Variants in ZNF385D observed in about 807,000 individuals in gnomAD.
ZNF385D encodes the protein zinc finger protein 659.
In ZNF385D, 15 loss-of-function variants were observed where a neutral mutation model predicts 35.8. The observed-to-expected ratio is 0.42, with a 90% confidence interval of 0.28 to 0.64. The LOEUF (loss-of-function observed/expected upper bound fraction) is 0.64, where lower values mean the gene tolerates loss of function less well. Among genes scored for constraint, ZNF385D ranks in the 30% least tolerant of loss-of-function variants. The pLI is 0.23. For missense variants in ZNF385D, 474 were observed against 494.6 expected (o/e 0.96, Z 0.39); for synonymous variants, 212 against 186.8 (o/e 1.13, Z -1.10).
intron 2 of ZNF385D, among the ~76,000 whole-genome samples, chr3:22,214,291 T>C (rs1553630796): frequency 1.3e-5 from 2 of 151,996 alleles, no homozygotes; most frequent in Non-Finnish European, 2.9e-5. Context: ...TCTTTTAGTC[T>C]TATTATCTGT....
At chr3:22,365,473 T>A (rs560296611) in intron 2 of ZNF385D, among the ~76,000 whole-genome samples, 129 of 152,246 alleles carry the variant, frequency 8.5e-4, no homozygotes, top group African/African-American at 3.0e-3. Context: ...GTCGACGAGA[T>A]GTTTATCTTT....
At chr3:22,025,112 A>G (rs749430589) in intron 3 of ZNF385D, among the ~76,000 whole-genome samples, 8 of 152,170 alleles carry the variant, frequency 5.3e-5, no homozygotes, top group Non-Finnish European at 1.2e-4. Context: ...AGCTGGGGAC[A>G]CTGAGTTTGT....
intron 3 of ZNF385D, among the ~76,000 whole-genome samples, chr3:22,122,555 G>C (rs1054604598): frequency 6.6e-6 from 1 of 152,104 alleles, no homozygotes; most frequent in African/African-American, 2.4e-5. Flanking sequence ...ATAAAGAAAA[G>C]TGACAAAGCT....
At chr3:21,861,559 A>G (rs189837660) in intron 3 of ZNF385D, among the ~76,000 whole-genome samples, 102 of 152,252 alleles carry the variant, frequency 6.7e-4, no homozygotes, top group African/African-American at 2.3e-3. Flanking sequence ...GTTGAACACT[A>G]AAATCACTGA....
intron 3 of ZNF385D, among the ~76,000 whole-genome samples, chr3:21,933,978 A>T (rs1385413489): frequency 6.6e-6 from 1 of 150,454 alleles, no homozygotes; most frequent in East Asian, 2.0e-4. Context: ...ATTAGTCACT[A>T]TTATTTACAT....
chr3:21,894,958 C>T (rs1231193421), intron 3 of ZNF385D, among the ~76,000 whole-genome samples: 1 of 151,962 alleles, frequency 6.6e-6, no homozygotes, highest in Non-Finnish European at 1.5e-5. Flanking sequence ...AATCACCACC[C>T]AGCAAAACAC....
At chr3:21,887,718 C>T (rs1698620887) in intron 3 of ZNF385D, among the ~76,000 whole-genome samples, 1 of 151,978 alleles carries the variant, frequency 6.6e-6, no homozygotes, top group Non-Finnish European at 1.5e-5. Context: ...TAAAATCAGA[C>T]AACAAAGTGT....
intron 1 of ZNF385D, among the ~76,000 whole-genome samples, chr3:21,710,268 C>G (rs2068052050): frequency 6.6e-6 from 1 of 152,110 alleles, no homozygotes. Flanking sequence ...GACTAAAGAT[C>G]AAAAGGAGTA....
At chr3:21,514,654 C>G (rs566031443) in intron 3 of ZNF385D, among the ~76,000 whole-genome samples, 1 of 151,804 alleles carries the variant, frequency 6.6e-6, no homozygotes, top group African/African-American at 2.4e-5. Flanking sequence ...ACCAATCAGG[C>G]TATCTCTGTA....
intron 3 of ZNF385D, among the ~76,000 whole-genome samples, chr3:22,115,813 G>C (rs1387859571): frequency 6.6e-6 from 1 of 152,038 alleles, no homozygotes; most frequent in African/African-American, 2.4e-5. Flanking sequence ...AGGAAAAACC[G>C]CTAGCAGGAA....
chr3:22,355,207 TATC>T (rs1696095233), intron 2 of ZNF385D, among the ~76,000 whole-genome samples: 2 of 152,036 alleles, frequency 1.3e-5, no homozygotes, highest in South Asian at 4.1e-4. Flanking sequence ...ACTATAAACT[TATC>T]ATCAAATCTT....
At chr3:22,013,436 T>C (rs1453333979) in intron 3 of ZNF385D, among the ~76,000 whole-genome samples, 3 of 152,320 alleles carry the variant, frequency 2.0e-5, no homozygotes, top group South Asian at 2.1e-4. Context: ...TTTTTATTAA[T>C]GCTTTTATGT....
At chr3:21,823,905 C>T (rs1694434819) in intron 3 of ZNF385D, among the ~76,000 whole-genome samples, 1 of 152,124 alleles carries the variant, frequency 6.6e-6, no homozygotes, top group South Asian at 2.1e-4. Flanking sequence ...ATGAATTGCA[C>T]AGAGCTGTAC....
At chr3:22,261,478 G>A (rs1201254247) in intron 2 of ZNF385D, among the ~76,000 whole-genome samples, 1 of 151,924 alleles carries the variant, frequency 6.6e-6, no homozygotes, top group African/African-American at 2.4e-5. Context: ...AGATGTTCTA[G>A]GAGCTAGTAT....
At chr3:22,191,587 T>C (rs1034452886) in intron 2 of ZNF385D, among the ~76,000 whole-genome samples, 2 of 152,168 alleles carry the variant, frequency 1.3e-5, no homozygotes, top group Non-Finnish European at 2.9e-5. Context: ...GTGTAGAATA[T>C]GTATGATAAA....
intron 3 of ZNF385D, among the ~76,000 whole-genome samples, chr3:21,801,510 T>C (rs1249788072): frequency 6.6e-6 from 1 of 152,168 alleles, no homozygotes; most frequent in Non-Finnish European, 1.5e-5. Flanking sequence ...TTTTTATCTA[T>C]CTATTTTTAA....
chr3:22,296,592 C>A (rs1196376729), intron 2 of ZNF385D, among the ~76,000 whole-genome samples: 3 of 152,122 alleles, frequency 2.0e-5, no homozygotes, highest in Admixed American at 1.3e-4. Flanking sequence ...ACAAAGAGAA[C>A]TTTTGATGGC....
chr3:22,161,439 A>G (rs890589997), intron 3 of ZNF385D, among the ~76,000 whole-genome samples: 39 of 152,086 alleles, frequency 2.6e-4, no homozygotes, highest in African/African-American at 8.4e-4. Context: ...GCTCAATTGC[A>G]TCATAAATAT....
At chr3:21,789,890 T>C (rs1054067480) in intron 3 of ZNF385D, among the ~76,000 whole-genome samples, 1 of 152,238 alleles carries the variant, frequency 6.6e-6, no homozygotes, top group Admixed American at 6.5e-5. Context: ...TTGTCACTGT[T>C]GTCAGATTAT....
Sources: gnomAD v4.1 joint callset for allele counts (sites outside exome capture counted in the v4.1 genomes callset) on GRCh38, gnomAD v4.1.1 for gene constraint, MANE v1.5 for transcripts, NCBI Gene and HGNC (gene_info 2026-07-23, HGNC 2026-07-21) for gene names.